CALN1: variants seen among roughly 807,000 people sequenced by gnomAD.
CALN1 encodes calneuron 1, also known as calcium-binding protein 8.
CALN1 carries 17 observed loss-of-function variants against 30.6 expected under a neutral mutation model. That is an observed-to-expected ratio of 0.56 (90% CI 0.38 to 0.83). The LOEUF is 0.83. CALN1 is among the 40% of genes least tolerant of loss of function. The pLI is 0.00. For missense variants in CALN1, 291 were observed against 354.9 expected (o/e 0.82, Z 1.45); for synonymous variants, 156 against 131.4 (o/e 1.19, Z -1.28).
intron 5 of CALN1, among the ~76,000 whole-genome samples, chr7:71,982,987 GC>G (rs1476013382): frequency 6.6e-6 from 1 of 152,110 alleles, no homozygotes; most frequent in African/African-American, 2.4e-5. Flanking sequence ...CCAAGTGAAA[GC>G]CCATTTGCAT....
chr7:72,458,986 C>A, the CALN1 span, among the ~76,000 whole-genome samples: 1 of 138,498 alleles, frequency 7.2e-6, no homozygotes, highest in Non-Finnish European at 1.6e-5. Flanking sequence ...CCTCAGCTCA[C>A]TGCAACCTCC....
chr7:72,188,482 A>T (rs908563138), intron 3 of CALN1, among the ~76,000 whole-genome samples: 1 of 152,038 alleles, frequency 6.6e-6, no homozygotes, highest in East Asian at 1.9e-4. Context: ...GTTCTCACTC[A>T]TAAGTGGGAG....
At chr7:72,221,194 T>A (rs1256939350) in intron 3 of CALN1, among the ~76,000 whole-genome samples, 2 of 152,024 alleles carry the variant, frequency 1.3e-5, no homozygotes, top group East Asian at 1.9e-4. Context: ...TTCACACGGT[T>A]AGTAGGAGTG....
chr7:71,965,568 C>CAACAAACA (rs3064969), intron 5 of CALN1, among the ~76,000 whole-genome samples: 24 of 151,700 alleles, frequency 1.6e-4, no homozygotes, highest in African/African-American at 3.4e-4. Flanking sequence ...AAAACAGTAA[C>CAACAAACA]AACAAACAAA....
At chr7:72,270,373 T>C (rs2129553398) in intron 3 of CALN1, among the ~76,000 whole-genome samples, 1 of 152,280 alleles carries the variant, frequency 6.6e-6, no homozygotes, top group South Asian at 2.1e-4. Context: ...GATATTCACT[T>C]TTACTTTCCA....
At chr7:72,366,384 C>A (rs894085662) in intron 2 of CALN1, among the ~76,000 whole-genome samples, 1 of 152,084 alleles carries the variant, frequency 6.6e-6, no homozygotes, top group South Asian at 2.1e-4. Flanking sequence ...CCATGTTGGC[C>A]AAGCTGGTCT....
chr7:72,134,759 A>C (rs145426221), intron 3 of CALN1, among the ~76,000 whole-genome samples: 2 of 152,248 alleles, frequency 1.3e-5, no homozygotes, highest in East Asian at 3.9e-4. Context: ...GACAACAATG[A>C]ATTTGGCCGC....
chr7:72,482,366 T>TA, the CALN1 span, among the ~76,000 whole-genome samples: 1 of 152,174 alleles, frequency 6.6e-6, no homozygotes, highest in Non-Finnish European at 1.5e-5. Flanking sequence ...TTAGTGTAGT[T>TA]ACGATATAAT....
At chr7:72,218,328 G>GTCC (rs761601177) in intron 3 of CALN1, among the ~76,000 whole-genome samples, 8 of 151,956 alleles carry the variant, frequency 5.3e-5, no homozygotes, top group Non-Finnish European at 1.0e-4. Flanking sequence ...TGCACCTGTA[G>GTCC]TCCTAGCTAC....
At chr7:72,388,549 T>TA (rs1346092321) in intron 2 of CALN1, among the ~76,000 whole-genome samples, 4 of 152,236 alleles carry the variant, frequency 2.6e-5, no homozygotes, top group African/African-American at 9.6e-5. Flanking sequence ...TAATGGGCGA[T>TA]ACTGCGTGTT....
At chr7:72,357,469 T>C (rs1463090138) in intron 2 of CALN1, among the ~76,000 whole-genome samples, 2 of 151,834 alleles carry the variant, frequency 1.3e-5, no homozygotes, top group African/African-American at 4.9e-5. Flanking sequence ...AGAAGAAAAT[T>C]AAAGGTAGAG....
chr7:72,002,912 G>A (rs1294137849), intron 5 of CALN1, among the ~76,000 whole-genome samples: 3 of 152,144 alleles, frequency 2.0e-5, no homozygotes, highest in East Asian at 1.9e-4. Flanking sequence ...GTGAGGTGGG[G>A]AGATATTGAG....
At chr7:71,934,010 G>A (rs577404025) in intron 5 of CALN1, among the ~76,000 whole-genome samples, 52 of 152,272 alleles carry the variant, frequency 3.4e-4, no homozygotes, top group Admixed American at 1.4e-3. Context: ...TGCCATATGG[G>A]AATGTAGGTT....
At chr7:72,493,339 C>CT in the CALN1 span, among the ~76,000 whole-genome samples, 225 of 146,056 alleles carry the variant, frequency 1.5e-3, 1 homozygote, top group Non-Finnish European at 2.2e-3. Context: ...ATCAATTATT[C>CT]TTTTTTTTTT....
intron 5 of CALN1, among the ~76,000 whole-genome samples, chr7:71,935,129 G>A (rs1033877448): frequency 6.6e-6 from 1 of 152,168 alleles, no homozygotes; most frequent in African/African-American, 2.4e-5. Flanking sequence ...TAGCACTGGT[G>A]TAGATGTTGT....
chr7:72,327,748 T>C (rs1467836596), intron 2 of CALN1, among the ~76,000 whole-genome samples: 5 of 152,232 alleles, frequency 3.3e-5, no homozygotes, highest in African/African-American at 9.6e-5. Context: ...TTAATGAATA[T>C]TTAATTGCTC....
intron 5 of CALN1, among the ~76,000 whole-genome samples, chr7:72,019,018 ATT>A (rs201372988): frequency 7.3e-6 from 1 of 136,112 alleles, no homozygotes; most frequent in African/African-American, 2.7e-5. Flanking sequence ...TTTTTTTTGT[ATT>A]TTTTTTTTTC....
At chr7:72,293,141 C>G (rs961345803) in intron 2 of CALN1, among the ~76,000 whole-genome samples, 5 of 152,094 alleles carry the variant, frequency 3.3e-5, no homozygotes, top group Admixed American at 6.6e-5. Context: ...GGCAGTTCAA[C>G]AAGAGGATTT....
At chr7:72,163,259 T>G (rs1788249677) in intron 3 of CALN1, among the ~76,000 whole-genome samples, 1 of 152,144 alleles carries the variant, frequency 6.6e-6, no homozygotes, top group Admixed American at 6.5e-5. Flanking sequence ...AACAAATTTC[T>G]ATAAAGTCAA....
Sources: gnomAD v4.1 joint callset for allele counts (sites outside exome capture counted in the v4.1 genomes callset) on GRCh38, gnomAD v4.1.1 for gene constraint, MANE v1.5 for transcripts, NCBI Gene and HGNC (gene_info 2026-07-23, HGNC 2026-07-21) for gene names.